The following LY6K variants were observed in gnomAD, a reference collection of about 807,000 sequenced individuals.
The protein encoded by LY6K is lymphocyte antigen 6 family member K.
In LY6K, 9 loss-of-function variants were observed where a neutral mutation model predicts 10.4. The observed-to-expected ratio is 0.87, with a 90% CI of 0.52 to 1.52. LY6K has a LOEUF of 1.52. Ranked by LOEUF, LY6K falls within the 40% of genes most tolerant of loss-of-function variation. The pLI is 0.00. For missense variants in LY6K, 217 were observed against 211.7 expected, an observed-to-expected ratio of 1.02 and a Z score of -0.15; for synonymous variants, 98 against 83.7, an observed-to-expected ratio of 1.17 and a Z score of -0.94.
Position 142,700,421 on chromosome 8 carries a change from C to A in LY6K, c.-107C>A. On this transcript the variant is annotated 5_prime_UTR_variant, in exon 1 of 3. Transcript: ENST00000292430. Reference sequence around the variant, plus strand: ...CGCGCGCCCCGGGGCGGGCGGGGCTCCCCCTACCGGCCAGACCCGGGGAGA... The same window carrying A: ...CGCGCGCCCCGGGGCGGGCGGGGCTACCCCTACCGGCCAGACCCGGGGAGA... The A allele has an allele frequency of 7.3e-7, 1 of 1,376,252 alleles. No individual in the cohort carries two copies. Among genetic ancestry groups the A allele is most frequent in the South Asian group, 1.6e-5 (1 of 61,402 alleles). The allele number at this position is 1,376,252 out of a possible 1,614,324, so 85.3% of individuals were successfully genotyped here.
rs3736006 is a variant in LY6K, at chr8:142,700,491, G to A, written c.-37G>A. 6.3e-4 allele frequency: 979 copies of A among 1,546,080 alleles called. 14 individuals carry two copies. In the East Asian group the frequency reaches 0.024, roughly 38 times the overall value. On this transcript the variant is annotated 5_prime_UTR_variant, in exon 1 of 3. Coordinates refer to ENST00000292430, the MANE Select transcript of LY6K (RefSeq NM_017527.4). Reference sequence around the variant, plus strand: ...GGTTCCAGAAGGGCGGGGAGGGGGCGCCGCGCGCTGACCCTCCCTGGGCAC... The same window carrying A: ...GGTTCCAGAAGGGCGGGGAGGGGGCACCGCGCGCTGACCCTCCCTGGGCAC...
At position 142,704,636 on chromosome 8, in the gene LY6K, C is replaced by T. The variant is rs1554640680; in HGVS notation, c.*1265C>T. The T allele has an allele frequency of 6.6e-6, 1 of 152,176 alleles. No individual in the cohort carries two copies. Among genetic ancestry groups the T allele is most frequent in the Non-Finnish European group, 1.5e-5 (1 of 68,056 alleles). 9.4% of individuals were successfully genotyped at this position (152,176 alleles called of 1,614,324 possible). A position where few individuals can be genotyped will look rare whatever the true frequency, so the allele number is the denominator to read the frequency against. ...CTCCAGAAAGTCAATAAGCAAGATG[C>T]CTTGAGCATTCACAAAACGGTTGCC... On this transcript the variant is annotated 3_prime_UTR_variant, in exon 3 of 3. Coordinates refer to ENST00000292430, the MANE Select transcript of LY6K (RefSeq NM_017527.4).
chr8:142,700,417 G>T lies in LY6K; in HGVS notation c.-111G>T. 7.3e-7 allele frequency: 1 copy of T among 1,369,994 alleles called. No homozygotes were observed. The allele number at this position is 1,369,994 out of a possible 1,614,324, so 84.9% of individuals were successfully genotyped here. A position where few individuals can be genotyped will look rare whatever the true frequency, so the allele number is the denominator to read the frequency against. On this transcript the variant is annotated 5_prime_UTR_variant, in exon 1 of 3. Coordinates refer to ENST00000292430, the MANE Select transcript of LY6K (RefSeq NM_017527.4). ...GAGGCGCGCGCCCCGGGGCGGGCGG[G>T]GCTCCCCCTACCGGCCAGACCCGGG...
intron 2 of LY6K, chr8:142,702,693 C>A: frequency 6.6e-7 from 1 of 1,510,112 alleles, no homozygotes; most frequent in Non-Finnish European, 8.9e-7. Context: ...GACAAGACCC[C>A]CAGCTCAGAG....
intron 1 of LY6K, 145 bp downstream of exon 1, chr8:142,700,775 C>T (rs1156420656): frequency 2.2e-5 from 19 of 862,870 alleles, no homozygotes; most frequent in Admixed American, 1.7e-4. Context: ...CTCTGGGGAG[C>T]CTCGCCTCGT....
chr8:142,701,554 A>C (rs1554640112), intron 1 of LY6K, 46 bp from the exon 2 acceptor site: 1 of 1,300,152 alleles, frequency 7.7e-7, no homozygotes, highest in African/African-American at 1.5e-5. Context: ...TCAGATAGGC[A>C]CGGAGAACTG....
At chr8:142,700,697 C>T in intron 1 of LY6K, 67 bp downstream of exon 1, 8 of 1,354,464 alleles carry the variant, frequency 5.9e-6, no homozygotes, top group South Asian at 5.2e-5. Flanking sequence ...CTGCCTGGCA[C>T]CGCGTGGCCA....
In LY6K at chr8:142,700,350, T is replaced by C; in HGVS notation, c.-178T>C. On this transcript the variant is annotated 5_prime_UTR_variant, in exon 1 of 3. Transcript: ENST00000292430. ...AGGGCCGCCAGCGGCCGCGAGGCCC[T>C]GAGATGAGGCTCCAAAGACCCCGAC... is the stretch of plus-strand genomic sequence containing the variant. 1 of 1,323,836 alleles carries C rather than the reference T, an allele frequency of 7.6e-7. No individual in the cohort carries two copies. The highest frequency in any genetic ancestry group is 9.6e-7 in the Non-Finnish European group (1 of 1,039,496). The allele number at this position is 1,323,836 out of a possible 1,614,324, so 82.0% of individuals were successfully genotyped here.
At chr8:142,703,023 C>A in intron 2 of LY6K, 68 bp from the exon 3 acceptor site, 1 of 1,595,354 alleles carries the variant, frequency 6.3e-7, no homozygotes, top group South Asian at 1.1e-5. Context: ...TTGACCCAGA[C>A]AGAAGGGCCT....
In LY6K at chr8:142,703,468, T is replaced by C; in HGVS notation, c.*97T>C. ...AAACTTGTTTTCTGTTGATTACCTC[T>C]TGGTTTGACTTCCCAGGGTCTTGGG... On this transcript the variant is annotated 3_prime_UTR_variant, in exon 3 of 3. Transcript: ENST00000292430. 7.1e-7 allele frequency: 1 copy of C among 1,411,594 alleles called. No homozygotes were observed. The highest frequency in any genetic ancestry group is 9.4e-7 in the Non-Finnish European group (1 of 1,058,882). 87.4% of individuals were successfully genotyped at this position (1,411,594 alleles called of 1,614,324 possible).
At position 142,703,521 on chromosome 8, in the gene LY6K, G is replaced by A; in HGVS notation, c.*150G>A. The A allele has an allele frequency of 1.1e-6, 1 of 901,154 alleles. No homozygotes were observed. Among genetic ancestry groups the A allele is most frequent in the South Asian group, 1.8e-5 (1 of 55,314 alleles). 55.8% of individuals were successfully genotyped at this position (901,154 alleles called of 1,614,324 possible). A position where few individuals can be genotyped will look rare whatever the true frequency, so the allele number is the denominator to read the frequency against. ...GGGAGAGTGGGGATCAGGTGCAGTT[G>A]GCTCTTAACCCTCAAGGGTTCTTTA... On this transcript the variant is annotated 3_prime_UTR_variant, in exon 3 of 3. Coordinates refer to ENST00000292430, the MANE Select transcript of LY6K (RefSeq NM_017527.4).
Position 142,702,193 on chromosome 8 carries a change from G to C in LY6K, c.217+480G>C, listed in dbSNP as rs1815066900. The C allele has an allele frequency of 6.7e-6, 3 of 446,880 alleles. No individual in the cohort carries two copies. In the Admixed American group the frequency reaches 1.0e-4, roughly 15 times the overall value. The allele number at this position is 446,880 out of a possible 1,614,324, so 27.7% of individuals were successfully genotyped here. A position where few individuals can be genotyped will look rare whatever the true frequency, so the allele number is the denominator to read the frequency against. On this transcript the variant is annotated intron_variant, in intron 2 of 2. Coordinates refer to ENST00000292430, the MANE Select transcript of LY6K (RefSeq NM_017527.4). ...ACTGTGCTAGTGTAAGGCAGTGCCT[G>C]CTACAGTGGGTCCAGATGAAATACT...
rs1815074591 is a variant in LY6K, at chr8:142,702,381, T to C, written c.217+668T>C. 5.4e-6 allele frequency: 5 copies of C among 930,460 alleles called. No homozygotes were observed. In the South Asian group the frequency reaches 7.5e-5, roughly 14 times the overall value. 57.6% of individuals were successfully genotyped at this position (930,460 alleles called of 1,614,324 possible). A position where few individuals can be genotyped will look rare whatever the true frequency, so the allele number is the denominator to read the frequency against. ...CTTCAAGTGTGTTCTCAAAGGAGGG[T>C]GCATGCCTTAAAAATTGTGGAGACC... On this transcript the variant is annotated intron_variant, in intron 2 of 2. Coordinates refer to ENST00000292430, the MANE Select transcript of LY6K (RefSeq NM_017527.4).
Position 142,700,620 on chromosome 8 carries a change from C to G in LY6K, c.93C>G (p.Ser31=), listed in dbSNP as rs782453693. 1 of 1,558,648 alleles carries G rather than the reference C, an allele frequency of 6.4e-7. No individual in the cohort carries two copies. The highest frequency in any genetic ancestry group is 8.7e-7 in the Non-Finnish European group (1 of 1,154,264). ...LTARQRDPED[S]QRTDEGDNRV... is the part of the protein sequence containing the mutation. Reference sequence around the variant, plus strand: ...CGAGACAACGAGATCCAGAGGACTCCCAGCGAACGGGTGAGCCTGGCTCGC... The same window carrying G: ...CGAGACAACGAGATCCAGAGGACTCGCAGCGAACGGGTGAGCCTGGCTCGC... The change falls in exon 1 of 3, where the codon TCC becomes TCG. Residue 31 remains serine, a synonymous_variant. Coordinates refer to ENST00000292430, the MANE Select transcript of LY6K (RefSeq NM_017527.4).
intron 2 of LY6K, 101 bp from the exon 3 acceptor site, chr8:142,702,990 G>A (rs1297942408): frequency 1.3e-6 from 2 of 1,563,774 alleles, no homozygotes; most frequent in East Asian, 2.4e-5. Flanking sequence ...GCACCTTTGA[G>A]CAGGGCCGCC....
Position 142,700,452 on chromosome 8 carries a change from G to A in LY6K, c.-76G>A, listed in dbSNP as rs1452948537. ...ACCGGCCAGACCCGGGGAGAGGCGC[G>A]CGGAGGCTGCGAAGGTTCCAGAAGG... is the stretch of plus-strand genomic sequence containing the variant. On this transcript the variant is annotated 5_prime_UTR_variant, in exon 1 of 3. Coordinates refer to ENST00000292430, the MANE Select transcript of LY6K (RefSeq NM_017527.4). 3 of 1,488,888 alleles carry A rather than the reference G, an allele frequency of 2.0e-6. No individual in the cohort carries two copies. Among genetic ancestry groups the A allele is most frequent in the Non-Finnish European group, 2.7e-6 (3 of 1,120,512 alleles). 92.2% of individuals were successfully genotyped at this position (1,488,888 alleles called of 1,614,324 possible).
intron 1 of LY6K, among the ~76,000 whole-genome samples, chr8:142,700,937 C>T (rs1587559264): frequency 6.6e-6 from 1 of 151,322 alleles, no homozygotes; most frequent in South Asian, 2.1e-4. Flanking sequence ...GTTCAAGCTG[C>T]GGGAGGAGGG....
chr8:142,702,683 G>A (rs996772042), intron 2 of LY6K: 8 of 1,513,414 alleles, frequency 5.3e-6, no homozygotes, highest in Non-Finnish European at 7.1e-6. Flanking sequence ...GTGGTCATGA[G>A]ACAAGACCCC....
chr8:142,703,168 G>A lies in LY6K; in HGVS notation c.295G>A (p.Glu99Lys), dbSNP rs932277175. The change falls in exon 3 of 3, where the codon GAG becomes AAG. Residue 99 changes from glutamate to lysine, a missense_variant. Physicochemically the swap from Glu to Lys is moderately conservative, Grantham distance 56. Transcript: ENST00000292430. The stretch of plus-strand genomic sequence containing the variant: ...AGCGATGGAGAGACCCAAGCCAGAG[G>A]AGAAGCGGTTTCTCCTGGAAGAGCC... ...CAAMERPKPE[E>K]KRFLLEEPMP... is the part of the protein sequence containing the mutation. The A allele has an allele frequency of 2.6e-5, 42 of 1,614,124 alleles. No homozygotes were observed. Among genetic ancestry groups the A allele is most frequent in the Middle Eastern group, 1.6e-4 (1 of 6,078 alleles).
Sources: allele counts gnomAD v4.1 joint callset (sites outside exome capture counted in the v4.1 genomes callset), GRCh38; gene constraint gnomAD v4.1.1; transcripts MANE v1.5; gene names NCBI Gene and HGNC (gene_info 2026-07-23, HGNC 2026-07-21).